Variants in TRIO observed in about 807,000 individuals in gnomAD.
The protein encoded by TRIO is triple functional domain protein.
In TRIO, 58 loss-of-function variants were observed where a neutral mutation model predicts 351.9. The ratio of observed to expected loss-of-function variants is 0.16; its 90% CI spans 0.13 to 0.21. The LOEUF is 0.21. TRIO is among the 10% of genes least tolerant of loss of function. TRIO has a pLI of 1.00. For missense variants in TRIO, 3,201 were observed against 4,027.8 expected (o/e 0.79, Z 5.56); for synonymous variants, 1,758 against 1,595.7 (o/e 1.10, Z -2.42).
chr5:14,159,534 G>A (rs35275691), intron 1 of TRIO, among the ~76,000 whole-genome samples: 2,467 of 151,456 alleles, frequency 0.016, 30 homozygotes, highest in Middle Eastern at 0.027. Context: ...AAAAATCGGT[G>A]TCATTGTTTT....
intron 1 of TRIO, among the ~76,000 whole-genome samples, chr5:14,187,134 T>C (rs978690096): frequency 1.3e-5 from 2 of 152,206 alleles, no homozygotes; most frequent in Non-Finnish European, 2.9e-5. Context: ...TTTTAGGGAA[T>C]GTCGGTTCTG....
chr5:14,293,663 A>G (rs1409801965), intron 6 of TRIO, among the ~76,000 whole-genome samples: 2 of 152,184 alleles, frequency 1.3e-5, no homozygotes, highest in African/African-American at 4.8e-5. Context: ...AGGTTGTTGC[A>G]TCTGCTACCC....
intron 1 of TRIO, among the ~76,000 whole-genome samples, chr5:14,183,094 T>C (rs1327191153): frequency 6.6e-6 from 1 of 151,836 alleles, no homozygotes; most frequent in African/African-American, 2.4e-5. Flanking sequence ...GGAGGTGGGG[T>C]CTTCGTTAGG....
chr5:14,168,178 C>G (rs1420537227), intron 1 of TRIO, among the ~76,000 whole-genome samples: 1 of 152,232 alleles, frequency 6.6e-6, no homozygotes, highest in Admixed American at 6.5e-5. Flanking sequence ...TACTCACAGC[C>G]TCACACTCAA....
chr5:14,420,174 C>A, intron 34 of TRIO, 153 bp downstream of exon 34: 1 of 1,125,410 alleles, frequency 8.9e-7, no homozygotes. Flanking sequence ...CATTTCCAGT[C>A]CATCAGCACC....
intron 1 of TRIO, among the ~76,000 whole-genome samples, chr5:14,196,597 C>T (rs1436342310): frequency 6.6e-6 from 1 of 152,104 alleles, no homozygotes; most frequent in African/African-American, 2.4e-5. Flanking sequence ...GACTTGAAAT[C>T]ATTATTCTAC....
chr5:14,399,082 C>A lies in TRIO; in HGVS notation c.4614+12C>A. 2 of 1,610,608 alleles carry A rather than the reference C, an allele frequency of 1.2e-6. No homozygotes were observed. Among genetic ancestry groups the A allele is most frequent in the Non-Finnish European group, 1.7e-6 (2 of 1,176,910 alleles). On this transcript the variant is annotated intron_variant, in intron 30 of 56. Transcript: ENST00000344204. ...AAAGCAAATTGTTTGTAAGTATAGG[C>A]GTTCAGAATTGTAAGTCTAAAGGTA...
intron 7 of TRIO, among the ~76,000 whole-genome samples, chr5:14,300,186 C>T (rs1737756422): frequency 6.6e-6 from 1 of 152,158 alleles, no homozygotes. Context: ...ACAGGACAGA[C>T]CCTTTATATT....
chr5:14,488,043 C>T lies in TRIO; in HGVS notation c.7415C>T (p.Pro2472Leu), dbSNP rs756638265. ...GCGGTCCCTTCTCTCGGCAAGGAGC[C>T]CTTCCCCCCCAGCAGCCCCCTGCAG... Reference protein sequence around the residue: ...SSAVPSLGKEPFPPSSPLQKG... With the variant: ...SSAVPSLGKELFPPSSPLQKG... Residue 2472 changes from proline to leucine, a missense_variant, in exon 48 of 57, where the codon CCC becomes CTC. Physicochemically the swap from Pro to Leu is moderately conservative, Grantham distance 98. Coordinates refer to ENST00000344204, the MANE Select transcript of TRIO (RefSeq NM_007118.4). 5.6e-6 allele frequency: 9 copies of T among 1,607,842 alleles called. No individual in the cohort carries two copies. The highest frequency in any genetic ancestry group is 7.6e-6 in the Non-Finnish European group (9 of 1,178,214).
At chr5:14,473,825 C>T (rs557746169) in intron 39 of TRIO, among the ~76,000 whole-genome samples, 169 bp from the exon 40 acceptor site, 1 of 152,286 alleles carries the variant, frequency 6.6e-6, no homozygotes, top group Admixed American at 6.5e-5. Context: ...TTCCAAGTAT[C>T]AGTTAAGGAT....
At chr5:14,369,920 C>T (rs745941893) in intron 18 of TRIO, among the ~76,000 whole-genome samples, 5 of 152,136 alleles carry the variant, frequency 3.3e-5, no homozygotes, top group Non-Finnish European at 7.4e-5. Context: ...AAGATTGCAT[C>T]TCAGAAGAGG....
At chr5:14,157,558 T>TCCCTGTCTCTCTCTCTCC (rs1788188229) in intron 1 of TRIO, among the ~76,000 whole-genome samples, 2 of 151,738 alleles carry the variant, frequency 1.3e-5, no homozygotes, top group African/African-American at 2.4e-5. Flanking sequence ...TCTCTCTCTC[T>TCCCTGTCTCTCTCTCTCC]CCCTGTCTCT....
chr5:14,393,267 T>A (rs1224315617), intron 27 of TRIO, among the ~76,000 whole-genome samples: 1 of 151,900 alleles, frequency 6.6e-6, no homozygotes, highest in East Asian at 1.9e-4. Flanking sequence ...AGGAGAGGGA[T>A]AGCATTAGAA....
chr5:14,334,177 G>A (rs1183673572), intron 10 of TRIO, among the ~76,000 whole-genome samples: 1 of 152,186 alleles, frequency 6.6e-6, no homozygotes, highest in African/African-American at 2.4e-5. Flanking sequence ...GAGGCACAGT[G>A]TTAAGTGCCA....
intron 1 of TRIO, among the ~76,000 whole-genome samples, chr5:14,238,007 G>A (rs1356589359): frequency 6.6e-6 from 1 of 152,110 alleles, no homozygotes; most frequent in Non-Finnish European, 1.5e-5. Flanking sequence ...CCCATATCCT[G>A]CCTGTTATCC....
intron 7 of TRIO, among the ~76,000 whole-genome samples, chr5:14,298,464 C>T (rs915252771): frequency 6.6e-6 from 1 of 152,140 alleles, no homozygotes; most frequent in African/African-American, 2.4e-5. Flanking sequence ...ATATCTTCCT[C>T]AGGGTTAATT....
At chr5:14,148,918 C>T (rs533342824) in intron 1 of TRIO, among the ~76,000 whole-genome samples, 9 of 152,324 alleles carry the variant, frequency 5.9e-5, no homozygotes, top group African/African-American at 2.2e-4. Flanking sequence ...GTTCGATGTG[C>T]ATCCACAGGG....
At chr5:14,330,168 T>C (rs573748453) in intron 9 of TRIO, among the ~76,000 whole-genome samples, 174 of 152,344 alleles carry the variant, frequency 1.1e-3, no homozygotes, top group African/African-American at 3.9e-3. Flanking sequence ...ACTTTTTCTT[T>C]AGTGTGGTGG....
chr5:14,387,328 G>T, intron 21 of TRIO, 110 bp from the exon 22 acceptor site: 1 of 1,125,420 alleles, frequency 8.9e-7, no homozygotes, highest in Non-Finnish European at 1.3e-6. Context: ...TCTACCATCA[G>T]CCGGTTTTCC....
Sources: gnomAD v4.1 joint callset for allele counts (sites outside exome capture counted in the v4.1 genomes callset) on GRCh38, gnomAD v4.1.1 for gene constraint, MANE v1.5 for transcripts, NCBI Gene and HGNC (gene_info 2026-07-23, HGNC 2026-07-21) for gene names.